The following HECW1 variants were observed in gnomAD, a reference collection of about 807,000 sequenced individuals.
The protein encoded by HECW1 is E3 ubiquitin-protein ligase HECW1.
In HECW1, 61 loss-of-function variants were observed where a neutral mutation model predicts 182.3. That is an observed-to-expected ratio of 0.33 (90% confidence interval 0.27 to 0.41). HECW1 has a LOEUF of 0.41. Among genes scored for constraint, HECW1 ranks in the 10% least tolerant of loss-of-function variants. HECW1 has a pLI of 1.00. For synonymous variants in HECW1, 859 were observed against 832.6 expected (o/e 1.03, Z -0.55); for missense variants, 1,739 against 2,108.9 (o/e 0.82, Z 3.44).
intron 5 of HECW1, among the ~76,000 whole-genome samples, chr7:43,346,685 G>C (rs1433699362): frequency 6.6e-6 from 1 of 152,138 alleles, no homozygotes; most frequent in African/African-American, 2.4e-5. Context: ...GAGATGTGAG[G>C]ATCCAGTTTC....
intron 3 of HECW1, among the ~76,000 whole-genome samples, chr7:43,288,243 G>A (rs535964047): frequency 2.6e-4 from 40 of 152,286 alleles, no homozygotes; most frequent in African/African-American, 8.4e-4. Flanking sequence ...CTGCAGTGAA[G>A]GCTGTAGGTA....
intron 17 of HECW1, among the ~76,000 whole-genome samples, chr7:43,490,917 C>G (rs1023150011): frequency 6.6e-6 from 1 of 152,090 alleles, no homozygotes; most frequent in East Asian, 1.9e-4. Flanking sequence ...GCCACCATGC[C>G]TGGCTTATTT....
chr7:43,352,024 C>T (rs540682646), intron 5 of HECW1, among the ~76,000 whole-genome samples: 2 of 152,328 alleles, frequency 1.3e-5, no homozygotes, highest in East Asian at 1.9e-4. Context: ...CTTAACCCGG[C>T]AAACCTGTCA....
chr7:43,206,226 T>A (rs1795463668), intron 2 of HECW1, among the ~76,000 whole-genome samples: 1 of 152,154 alleles, frequency 6.6e-6, no homozygotes, highest in African/African-American at 2.4e-5. Flanking sequence ...ATGGTGGAGT[T>A]CTGGGAGCCC....
intron 8 of HECW1, among the ~76,000 whole-genome samples, chr7:43,433,322 A>G (rs1435217895): frequency 2.0e-5 from 3 of 152,236 alleles, no homozygotes; most frequent in Non-Finnish European, 4.4e-5. Flanking sequence ...TTACTGAGAG[A>G]ACAGTGGTTC....
chr7:43,348,648 G>A (rs1021537991), intron 5 of HECW1, among the ~76,000 whole-genome samples: 1 of 152,022 alleles, frequency 6.6e-6, no homozygotes, highest in Admixed American at 6.5e-5. Flanking sequence ...CGGCATTTAG[G>A]GCTGTGAACT....
intron 17 of HECW1, among the ~76,000 whole-genome samples, chr7:43,488,672 G>A (rs1438051935): frequency 6.6e-6 from 1 of 152,058 alleles, no homozygotes; most frequent in Non-Finnish European, 1.5e-5. Flanking sequence ...ACAGACCCTC[G>A]GAATTTCCTC....
At chr7:43,374,886 A>G (rs73099577) in intron 6 of HECW1, among the ~76,000 whole-genome samples, 3,493 of 151,878 alleles carry the variant, frequency 0.023, 115 homozygotes, top group African/African-American at 0.072. Flanking sequence ...GAAATTCTTC[A>G]TATTTCAGAT....
At chr7:43,171,588 T>C (rs768241161) in intron 2 of HECW1, among the ~76,000 whole-genome samples, 25 of 152,016 alleles carry the variant, frequency 1.6e-4, no homozygotes, top group Non-Finnish European at 3.1e-4. Flanking sequence ...TTCAATACAA[T>C]AGGTTTTAAC....
At chr7:43,270,264 A>G (rs1480254520) in intron 3 of HECW1, among the ~76,000 whole-genome samples, 8 of 152,158 alleles carry the variant, frequency 5.3e-5, no homozygotes, top group Non-Finnish European at 8.8e-5. Context: ...GATCTCTTAG[A>G]AGGTTGTAAG....
chr7:43,345,158 C>G (rs765751067), intron 5 of HECW1, among the ~76,000 whole-genome samples: 1 of 152,048 alleles, frequency 6.6e-6, no homozygotes, highest in African/African-American at 2.4e-5. Context: ...TGGGTTATAG[C>G]AGGAGTTATG....
Position 43,492,190 on chromosome 7 carries a change from A to C in HECW1, c.3340+10A>C. 1 of 1,569,932 alleles carries C rather than the reference A, an allele frequency of 6.4e-7. No homozygotes were observed. Among genetic ancestry groups the C allele is most frequent in the Non-Finnish European group, 8.6e-7 (1 of 1,157,830 alleles). ...GAGTCATTGCCACTGGGTATGTATCATGCTTGTTTGAGCCCCTGGCTCAAA... is the reference window on the plus strand; with the variant it reads ...GAGTCATTGCCACTGGGTATGTATCCTGCTTGTTTGAGCCCCTGGCTCAAA... On this transcript the variant is annotated intron_variant, in intron 18 of 29. Coordinates refer to ENST00000395891, the MANE Select transcript of HECW1 (RefSeq NM_015052.5).
intron 3 of HECW1, among the ~76,000 whole-genome samples, chr7:43,256,846 A>G (rs1800642037): frequency 6.6e-6 from 1 of 152,132 alleles, no homozygotes; most frequent in South Asian, 2.1e-4. Context: ...CCTCCCTCAC[A>G]AAAAAGAAAG....
chr7:43,237,330 G>A (rs544587040), intron 2 of HECW1, among the ~76,000 whole-genome samples: 6 of 152,212 alleles, frequency 3.9e-5, no homozygotes, highest in East Asian at 1.9e-4. Context: ...AGCCCTCCTC[G>A]GCTCTTAAAT....
At chr7:43,226,012 A>G (rs1352098868) in intron 2 of HECW1, among the ~76,000 whole-genome samples, 1 of 152,014 alleles carries the variant, frequency 6.6e-6, no homozygotes, top group South Asian at 2.1e-4. Context: ...GACTCAAGCA[A>G]TCCTCCCGCT....
chr7:43,425,381 A>T (rs559169865), intron 8 of HECW1, among the ~76,000 whole-genome samples: 1 of 151,948 alleles, frequency 6.6e-6, no homozygotes, highest in Non-Finnish European at 1.5e-5. Flanking sequence ...GGGTATCTTA[A>T]TAATGTCTTG....
At chr7:43,484,077 G>A (rs1480492424) in intron 17 of HECW1, 2 of 152,284 alleles carry the variant, frequency 1.3e-5, no homozygotes, top group East Asian at 1.9e-4. Context: ...CTGCAGACAG[G>A]CGTTCCAGCT....
chr7:43,216,844 G>A (rs1334548964), intron 2 of HECW1, among the ~76,000 whole-genome samples: 1 of 152,140 alleles, frequency 6.6e-6, no homozygotes, highest in Non-Finnish European at 1.5e-5. Context: ...TAGTAAAGAC[G>A]GGGTTTCACC....
intron 2 of HECW1, among the ~76,000 whole-genome samples, chr7:43,225,734 T>C (rs1797365966): frequency 6.6e-6 from 1 of 152,184 alleles, no homozygotes; most frequent in South Asian, 2.1e-4. Context: ...GCTGCTGATT[T>C]TCTATGAGAT....
Sources: gnomAD v4.1 joint callset for allele counts (sites outside exome capture counted in the v4.1 genomes callset) on GRCh38, gnomAD v4.1.1 for gene constraint, MANE v1.5 for transcripts, NCBI Gene and HGNC (gene_info 2026-07-23, HGNC 2026-07-21) for gene names.